LRRC31: variants seen among roughly 807,000 people sequenced by gnomAD.
LRRC31 encodes the protein leucine rich repeat containing 31.
Under a neutral mutation model 46.7 loss-of-function variants are expected in LRRC31, and 35 were observed. The observed-to-expected ratio is 0.75, with a 90% CI of 0.57 to 0.99. LRRC31 has a LOEUF of 0.99. LRRC31 is among the 50% of genes least tolerant of loss of function. The probability of loss-of-function intolerance (pLI) is 0.00; values close to 1 mark genes in which losing one functional copy is unlikely to be tolerated. For missense variants in LRRC31, 613 were observed against 626.1 expected, an observed-to-expected ratio of 0.98 and a Z score of 0.22; for synonymous variants, 236 against 235.1, an observed-to-expected ratio of 1.00 and a Z score of -0.03.
intron 3 of LRRC31, among the ~76,000 whole-genome samples, chr3:169,859,936 C>T (rs757559111): frequency 2.6e-5 from 4 of 151,846 alleles, no homozygotes; most frequent in Non-Finnish European, 5.9e-5. Context: ...TGAGGTCAGA[C>T]GTTCGAGACC....
At chr3:169,846,775 T>C (rs1485979167) in intron 8 of LRRC31, among the ~76,000 whole-genome samples, 2 of 152,226 alleles carry the variant, frequency 1.3e-5, no homozygotes, top group Admixed American at 1.3e-4. Flanking sequence ...CAGGTCTTTC[T>C]CGGGAAAATG....
chr3:169,865,438 T>C (rs922799279), intron 1 of LRRC31, among the ~76,000 whole-genome samples: 4 of 144,396 alleles, frequency 2.8e-5, no homozygotes, highest in Admixed American at 6.9e-5. Flanking sequence ...TTTTCCTAGC[T>C]GTGTTAGCTC....
At chr3:169,860,425 A>G in intron 3 of LRRC31, 136 bp downstream of exon 3, 1 of 870,058 alleles carries the variant, frequency 1.1e-6, no homozygotes, top group South Asian at 1.4e-5. Flanking sequence ...ACAGGGTTTC[A>G]CCATGTTGCC....
chr3:169,848,039 C>A (rs1780656238), intron 8 of LRRC31, 81 bp downstream of exon 8: 2 of 1,413,786 alleles, frequency 1.4e-6, no homozygotes, highest in Non-Finnish European at 1.9e-6. Flanking sequence ...GTACCTCCCC[C>A]ACCTCCCCAC....
chr3:169,854,853 A>G lies in LRRC31; in HGVS notation c.951T>C (p.Leu317=), dbSNP rs776632525. 3 of 1,613,482 alleles carry G rather than the reference A, an allele frequency of 1.9e-6. No homozygotes were observed. The highest frequency in any genetic ancestry group is 2.2e-5 in the South Asian group (2 of 91,040). ...CATCTGCTGTTAGTGAGCACTGGTG[A>G]AGATCTAGGACTTGTAGATGCTTTA... ...VMLKHLQVLD[L]HQCSLTADDV... The change falls in exon 6 of 9, where the codon CTT becomes CTC. Residue 317 remains leucine, a synonymous_variant. Coordinates refer to ENST00000316428, the MANE Select transcript of LRRC31 (RefSeq NM_024727.4).
chr3:169,864,052 T>A (rs1781254414), intron 1 of LRRC31, among the ~76,000 whole-genome samples: 1 of 152,052 alleles, frequency 6.6e-6, no homozygotes, highest in Admixed American at 6.6e-5. Flanking sequence ...TTAAAAAATT[T>A]CTCTGCATTG....
At chr3:169,862,441 A>C (rs1316375904) in intron 1 of LRRC31, among the ~76,000 whole-genome samples, 1 of 152,152 alleles carries the variant, frequency 6.6e-6, no homozygotes, top group Admixed American at 6.6e-5. Context: ...TGGCACCCTC[A>C]CTAGCTTCCT....
At position 169,860,955 on chromosome 3, in the gene LRRC31, A is replaced by G. The variant is rs187057478; in HGVS notation, c.320-227T>C. Among the ~76,000 whole-genome samples, 184 of 152,200 alleles carry G rather than the reference A, an allele frequency of 1.2e-3. 1 individual carries two copies. Among genetic ancestry groups the G allele is most frequent in the Non-Finnish European group, 1.5e-3 (100 of 68,022 alleles). ...GGATGTTTTCTATTTCTGCCAAATA[A>G]CTGCAGTCTGAAAATGCAGGAGTGT... On this transcript the variant is annotated intron_variant, in intron 2 of 8. Transcript: ENST00000316428.
In LRRC31 at chr3:169,855,408, C is replaced by A. The variant is rs16854478; in HGVS notation, c.824-428G>T. Among the ~76,000 whole-genome samples, 994 of 152,144 alleles carry A rather than the reference C, an allele frequency of 6.5e-3. 29 individuals are homozygous for A. In the East Asian group the frequency reaches 0.079, roughly 12 times the overall value. On this transcript the variant is annotated intron_variant, in intron 5 of 8. Coordinates refer to ENST00000316428, the MANE Select transcript of LRRC31 (RefSeq NM_024727.4). ...TCCTACCATCTGGCCTTCTGTGAAC[C>A]CGACCATGATTTCACACACACGCTT... is the stretch of plus-strand genomic sequence containing the variant.
intron 1 of LRRC31, 41 bp from the exon 2 acceptor site, chr3:169,861,854 G>A (rs200801351): frequency 6.8e-5 from 108 of 1,593,998 alleles, no homozygotes; most frequent in Middle Eastern, 1.7e-4. Context: ...GTTAATGATG[G>A]ATGTATTAAA....
In LRRC31 at chr3:169,851,630, A is replaced by G. The variant is rs1262994131; in HGVS notation, c.1148T>C (p.Phe383Ser). ...GGGAAATCTCTTACCAAGAGCTGTA[A>G]AAGTCTCACTCTCCAAAGCACAGTT... Reference protein sequence around the residue: ...INNCALESETFTALAEASVHL... With the variant: ...INNCALESETSTALAEASVHL... The change falls in exon 7 of 9, where the codon TTT (phenylalanine) becomes TCT (serine). Residue 383 changes from phenylalanine (F) to serine (S), a missense_variant. Phe to Ser is a radical substitution (Grantham distance 155, BLOSUM62 -2). Coordinates refer to ENST00000316428, the MANE Select transcript of LRRC31 (RefSeq NM_024727.4). 5 of 1,613,602 alleles carry G rather than the reference A, an allele frequency of 3.1e-6. No homozygotes were observed. The highest frequency in any genetic ancestry group is 1.3e-5 in the African/African-American group (1 of 74,830).
At position 169,860,649 on chromosome 3, in the gene LRRC31, G is replaced by A; in HGVS notation, c.399C>T (p.Ser133=). The change falls in exon 3 of 9, where the codon TCC becomes TCT. Residue 133 remains serine (S), a synonymous_variant. Coordinates refer to ENST00000316428, the MANE Select transcript of LRRC31 (RefSeq NM_024727.4). The part of the protein sequence containing the change: ...WNGFVGGTLL[S]ITQQMHLVSK... Reference sequence around the variant, plus strand: ...TGACCAGATGCATTTGCTGAGTGATGGAAAGGAGGGTTCCACCTACAAAAC... The same window carrying A: ...TGACCAGATGCATTTGCTGAGTGATAGAAAGGAGGGTTCCACCTACAAAAC... 6.2e-7 allele frequency: 1 copy of A among 1,614,148 alleles called. No individual in the cohort carries two copies. Among genetic ancestry groups the A allele is most frequent in the Non-Finnish European group, 8.5e-7 (1 of 1,180,004 alleles).
At chr3:169,854,304 T>G (rs1236412535) in intron 6 of LRRC31, among the ~76,000 whole-genome samples, 1 of 152,242 alleles carries the variant, frequency 6.6e-6, no homozygotes, top group Non-Finnish European at 1.5e-5. Context: ...ATTGCATTTA[T>G]ATATTACATG....
At chr3:169,855,581 T>C (rs1216511863) in intron 5 of LRRC31, among the ~76,000 whole-genome samples, 2 of 152,208 alleles carry the variant, frequency 1.3e-5, no homozygotes, top group African/African-American at 2.4e-5. Flanking sequence ...TTCTGTAAGT[T>C]GAAGGGGAAA....
intron 1 of LRRC31, among the ~76,000 whole-genome samples, chr3:169,864,892 C>A (rs1049621164): frequency 6.6e-6 from 1 of 152,110 alleles, no homozygotes; most frequent in Non-Finnish European, 1.5e-5. Context: ...GGCTGGCCAA[C>A]ATGGCAAAAC....
chr3:169,857,345 T>TATATATATATATATAC (rs1491209579), intron 3 of LRRC31, among the ~76,000 whole-genome samples: 107 of 89,396 alleles, frequency 1.2e-3, no homozygotes, highest in African/African-American at 2.3e-3. Context: ...TATATATATA[T>TATATATATATATATAC]ACACACACAC....
At chr3:169,860,288 C>T (rs1218694488) in intron 3 of LRRC31, among the ~76,000 whole-genome samples, 3 of 151,000 alleles carry the variant, frequency 2.0e-5, no homozygotes, top group Admixed American at 6.6e-5. Flanking sequence ...TGTGCAGTGG[C>T]ACGATCTCGG....
intron 8 of LRRC31, among the ~76,000 whole-genome samples, chr3:169,846,508 G>A (rs1245763866): frequency 6.6e-6 from 1 of 152,148 alleles, no homozygotes; most frequent in East Asian, 1.9e-4. Flanking sequence ...AAATTAGCCA[G>A]GCGTGGTGGC....
chr3:169,856,029 C>G (rs550812948), intron 5 of LRRC31, among the ~76,000 whole-genome samples: 1 of 151,692 alleles, frequency 6.6e-6, no homozygotes, highest in Non-Finnish European at 1.5e-5. Flanking sequence ...TACAGGCGCA[C>G]GTACCACCAC....
Sources: gnomAD v4.1 joint callset for allele counts (sites outside exome capture counted in the v4.1 genomes callset) on GRCh38, gnomAD v4.1.1 for gene constraint, MANE v1.5 for transcripts, NCBI Gene and HGNC (gene_info 2026-07-23, HGNC 2026-07-21) for gene names.